The following CAMTA1 variants were observed in gnomAD, a reference collection of about 807,000 sequenced individuals.
The protein encoded by CAMTA1 is calmodulin-binding transcription activator 1.
CAMTA1 carries 27 observed loss-of-function variants against 170.9 expected under a neutral mutation model. That is an observed-to-expected ratio of 0.16 (90% CI 0.12 to 0.22). The LOEUF is 0.22. CAMTA1 is among the 10% of genes least tolerant of loss of function. The pLI, the probability that CAMTA1 is intolerant of heterozygous loss-of-function variation, is 1.00. For missense variants in CAMTA1, 1,619 were observed against 2,217.2 expected (o/e 0.73, Z 5.42); for synonymous variants, 833 against 891.5 (o/e 0.93, Z 1.17).
intron 5 of CAMTA1, among the ~76,000 whole-genome samples, chr1:7,433,890 C>T (rs983495784): frequency 7.2e-5 from 11 of 152,120 alleles, no homozygotes; most frequent in African/African-American, 2.7e-4. Flanking sequence ...ACAGCAGTAG[C>T]CCCAGCCTCA....
intron 11 of CAMTA1, among the ~76,000 whole-genome samples, chr1:7,712,723 T>G (rs1262479748): frequency 1.3e-5 from 2 of 152,236 alleles, no homozygotes; most frequent in Non-Finnish European, 2.9e-5. Flanking sequence ...ATTTTCATGC[T>G]GCTATGAGGA....
At position 6,892,391 on chromosome 1, in the gene CAMTA1, A is replaced by G. The variant is rs1356758684; in HGVS notation, c.234+67181A>G. ...ATCTTGTTTGCGATCTGTGGGTTAC[A>G]TATTGTGCTAGAGATAAACCTTGAC... On this transcript the variant is annotated intron_variant, in intron 3 of 22. Transcript: ENST00000303635. Among the ~76,000 whole-genome samples, 4 of 152,296 alleles carry G rather than the reference A, an allele frequency of 2.6e-5. No homozygotes were observed. In the East Asian group the frequency reaches 5.8e-4, roughly 22 times the overall value.
chr1:7,188,159 G>A (rs992576621), intron 4 of CAMTA1, among the ~76,000 whole-genome samples: 3 of 152,032 alleles, frequency 2.0e-5, no homozygotes, highest in African/African-American at 7.2e-5. Flanking sequence ...ATGGTGGGGG[G>A]AACTGCCCCC....
At chr1:7,418,259 A>G (rs1452436973) in intron 5 of CAMTA1, among the ~76,000 whole-genome samples, 1 of 152,124 alleles carries the variant, frequency 6.6e-6, no homozygotes. Flanking sequence ...GCAGTGGTGC[A>G]ATCTCGGCTC....
chr1:6,894,056 T>C (rs1429730051), intron 3 of CAMTA1, among the ~76,000 whole-genome samples: 1 of 152,234 alleles, frequency 6.6e-6, no homozygotes, highest in Non-Finnish European at 1.5e-5. Flanking sequence ...AAAATGAAGA[T>C]TGATGCTTTC....
intron 11 of CAMTA1, among the ~76,000 whole-genome samples, chr1:7,684,056 G>A (rs2096237334): frequency 6.6e-6 from 1 of 152,186 alleles, no homozygotes; most frequent in East Asian, 1.9e-4. Context: ...TGTGTAGCAA[G>A]GAGTGGGTCA....
chr1:6,856,377 T>G (rs1242506776), intron 3 of CAMTA1, among the ~76,000 whole-genome samples: 1 of 151,824 alleles, frequency 6.6e-6, no homozygotes, highest in East Asian at 1.9e-4. Flanking sequence ...TAATGAATGT[T>G]GAGTATTTTC....
rs1032932203 is a variant in CAMTA1, at chr1:7,463,801, T to C, written c.439-4029T>C. 6.6e-6 allele frequency among the ~76,000 whole-genome samples: 1 copy of C among 152,188 alleles called. No homozygotes were observed. Among genetic ancestry groups the C allele is most frequent in the African/African-American group, 2.4e-5 (1 of 41,436 alleles). ...GCTTCCTTCTTGGGCCACTAAGCCA[T>C]CACTGCCCAGCCTTCAGGAGCCCTC... On this transcript the variant is annotated intron_variant, in intron 5 of 22. Transcript: ENST00000303635. The surrounding 1 kb of genome is among the most constrained non-coding windows in gnomAD (Gnocchi z 4.7).
At chr1:7,756,416 C>A (rs2150221923) in intron 22 of CAMTA1, among the ~76,000 whole-genome samples, 1 of 152,272 alleles carries the variant, frequency 6.6e-6, no homozygotes, top group South Asian at 2.1e-4. Context: ...AGAGAAATTA[C>A]AATGAGTAAT....
At chr1:7,454,673 G>T (rs552560528) in intron 5 of CAMTA1, among the ~76,000 whole-genome samples, 2 of 151,958 alleles carry the variant, frequency 1.3e-5, no homozygotes, top group Admixed American at 1.3e-4. Flanking sequence ...CTCTACCCCC[G>T]CTTCGTCCTA....
intron 3 of CAMTA1, among the ~76,000 whole-genome samples, chr1:6,975,967 G>A (rs1693349755): frequency 6.6e-6 from 1 of 152,142 alleles, no homozygotes; most frequent in African/African-American, 2.4e-5. Context: ...CCCTGCCGCG[G>A]CGAGCGTCAG....
chr1:7,263,150 G>A (rs1668420055), intron 5 of CAMTA1, among the ~76,000 whole-genome samples: 2 of 151,902 alleles, frequency 1.3e-5, no homozygotes. Flanking sequence ...CCAGACAAGT[G>A]TGCGCTTCAT....
intron 3 of CAMTA1, among the ~76,000 whole-genome samples, chr1:6,847,241 G>T (rs1001274823): frequency 3.3e-5 from 5 of 152,040 alleles, no homozygotes; most frequent in Non-Finnish European, 7.4e-5. Context: ...CTGGCCTCAA[G>T]TGAAGGATGG....
rs2412209 is a variant in CAMTA1 at position 7,032,666 on chromosome 1, T to A, written c.235-58638T>A. Among the ~76,000 whole-genome samples the A allele has an allele frequency of 7.3e-3, 1,106 of 152,252 alleles. 19 individuals carry two copies. The highest frequency in any genetic ancestry group is 0.025 in the African/African-American group (1,021 of 41,558). On this transcript the variant is annotated intron_variant, in intron 3 of 22. Coordinates refer to ENST00000303635, the MANE Select transcript of CAMTA1 (RefSeq NM_015215.4). Reference sequence around the variant, plus strand: ...AGTGCTCTTCATTTCTTTGTGTAGATCCAGATTTCCATCTGCTATTTTTTT... The same window carrying A: ...AGTGCTCTTCATTTCTTTGTGTAGAACCAGATTTCCATCTGCTATTTTTTT...
At chr1:7,406,664 A>C (rs2090316625) in intron 5 of CAMTA1, among the ~76,000 whole-genome samples, 1 of 152,038 alleles carries the variant, frequency 6.6e-6, no homozygotes, top group South Asian at 2.1e-4. Flanking sequence ...ACACATGCAC[A>C]CAGAGAGATG....
chr1:7,341,778 C>T (rs1037818795), intron 5 of CAMTA1, among the ~76,000 whole-genome samples: 3 of 152,238 alleles, frequency 2.0e-5, no homozygotes, highest in African/African-American at 7.2e-5. Flanking sequence ...CTCCACAGAA[C>T]TCAAAATCGT....
intron 3 of CAMTA1, among the ~76,000 whole-genome samples, chr1:6,838,285 G>T (rs565563944): frequency 2.0e-5 from 3 of 152,180 alleles, no homozygotes; most frequent in African/African-American, 7.2e-5. Context: ...CAAAATGTGC[G>T]CTCCCTGTGT....
At chr1:7,444,350 C>T (rs1003460999) in intron 5 of CAMTA1, among the ~76,000 whole-genome samples, 1 of 152,208 alleles carries the variant, frequency 6.6e-6, no homozygotes, top group Non-Finnish European at 1.5e-5. Context: ...GCCCGAGCAT[C>T]TGCCTCTCCA....
chr1:7,263,292 C>A (rs933351107), intron 5 of CAMTA1, among the ~76,000 whole-genome samples: 1 of 152,126 alleles, frequency 6.6e-6, no homozygotes, highest in Non-Finnish European at 1.5e-5. Context: ...TTTATACTTT[C>A]TTTTGCAAAT....
Sources: allele counts gnomAD v4.1 joint callset (sites outside exome capture counted in the v4.1 genomes callset), GRCh38; gene constraint gnomAD v4.1.1; non-coding constraint Gnocchi (gnomAD v3.1); transcripts MANE v1.5; gene names NCBI Gene and HGNC (gene_info 2026-07-23, HGNC 2026-07-21).